Variants in MUC5AC observed in about 807,000 individuals in gnomAD.
MUC5AC encodes mucin-5AC.
In MUC5AC, 158 loss-of-function variants were observed where a neutral mutation model predicts 169.7. That is an observed-to-expected ratio of 0.93 (90% CI 0.82 to 1.06). MUC5AC has a LOEUF of 1.06. Among genes scored for constraint, MUC5AC ranks in the 50% least tolerant of loss-of-function variants. The pLI, the probability that MUC5AC is intolerant of heterozygous loss-of-function variation, is 0.00. For synonymous variants in MUC5AC, 1,975 were observed against 1,237.0 expected (o/e 1.60, Z -12.52); for missense variants, 4,359 against 3,089.9 (o/e 1.41, Z -9.74).
At chr11:1,169,062 C>G (rs775421690) in intron 15 of MUC5AC, 36 bp downstream of exon 15, 1 of 1,510,386 alleles carries the variant, frequency 6.6e-7, no homozygotes, top group Non-Finnish European at 8.9e-7. Flanking sequence ...GTGCTGGCCG[C>G]CTGGCGCTGG....
chr11:1,184,019 C>T lies in MUC5AC; in HGVS notation c.5874C>T (p.Thr1958=), dbSNP rs1244722371. 14 of 392,994 alleles carry T rather than the reference C, an allele frequency of 3.6e-5. No homozygotes were observed. The highest frequency in any genetic ancestry group is 6.2e-4 in the Middle Eastern group (1 of 1,612). The allele number at this position is 392,994 out of a possible 1,614,324, so 24.3% of individuals were successfully genotyped here. A position where few individuals can be genotyped will look rare whatever the true frequency, so the allele number is the denominator to read the frequency against. ...SSCLQELCTW[T]EWIDGSYPAP... ...GCCTGCAGGAGCTTTGCACCTGGACCGAGTGGATTGATGGCAGCTACCCTG... is the reference window on the plus strand; with the variant it reads ...GCCTGCAGGAGCTTTGCACCTGGACTGAGTGGATTGATGGCAGCTACCCTG... Residue 1958 remains threonine (T), a synonymous_variant, in exon 31 of 49, where the codon ACC becomes ACT. Coordinates refer to ENST00000621226, the MANE Select transcript of MUC5AC (RefSeq NM_001304359.2).
At chr11:1,170,965 A>C in intron 15 of MUC5AC, among the ~76,000 whole-genome samples, 1 of 3,798 alleles carries the variant, frequency 2.6e-4, no homozygotes, top group East Asian at 0.016. Context: ...TCACTCACCC[A>C]CTCACCCATT....
rs1400064343 is a variant in MUC5AC, at chr11:1,192,332, A to G, written c.14187A>G (p.Arg4729=). The change falls in exon 31 of 49, where the codon AGA becomes AGG. Residue 4729 remains arginine (R), a synonymous_variant. Coordinates refer to ENST00000621226, the MANE Select transcript of MUC5AC (RefSeq NM_001304359.2). ...GCGTGCTCTGCTGCGAGACCCCCAG[A>G]GGCTGCCCGGTGACCTCTGTGACCC... ...EVRVLCCETP[R]GCPVTSVTPY... is the part of the protein sequence containing the mutation. The G allele has an allele frequency of 1.3e-6, 1 of 765,070 alleles. No homozygotes were observed. The highest frequency in any genetic ancestry group is 1.3e-5 in the South Asian group (1 of 74,626). 47.4% of individuals were successfully genotyped at this position (765,070 alleles called of 1,614,324 possible). A position where few individuals can be genotyped will look rare whatever the true frequency, so the allele number is the denominator to read the frequency against.
Position 1,185,545 on chromosome 11 carries a change from G to C in MUC5AC, c.7400G>C (p.Arg2467Thr). Residue 2467 changes from arginine to threonine, a missense_variant, in exon 31 of 49, where the codon AGA becomes ACA. By Grantham distance (71) the Arg-to-Thr change is moderately conservative (BLOSUM62 -1). Transcript: ENST00000621226. Reference protein sequence around the residue: ...TTSTTSAPTTRTTSAPKSSTT... With the variant: ...TTSTTSAPTTTTTSAPKSSTT... ...AGCACAACCTCTGCCCCTACAACAA[G>C]AACAACTTCTGCTCCTAAAAGCAGC... is the stretch of plus-strand genomic sequence containing the variant. 1.4e-6 allele frequency: 1 copy of C among 720,604 alleles called. No individual in the cohort carries two copies. The highest frequency in any genetic ancestry group is 1.4e-5 in the South Asian group (1 of 69,292). The allele number at this position is 720,604 out of a possible 1,614,324, so 44.6% of individuals were successfully genotyped here.
At position 1,187,960 on chromosome 11, in the gene MUC5AC, G is replaced by A. The variant is rs1554928416; in HGVS notation, c.9815G>A (p.Arg3272Gln). Residue 3272 changes from arginine to glutamine, a missense_variant, in exon 31 of 49, where the codon CGA becomes CAA. Transcript: ENST00000621226. Reference protein sequence around the residue: ...RPEEITRLQCRAESHPEVSIE... With the variant: ...RPEEITRLQCQAESHPEVSIE... The stretch of plus-strand genomic sequence containing the variant: ...GAGGAGATCACCAGGCTCCAGTGCC[G>A]AGCCGAGAGCCACCCGGAGGTGAGC... The A allele has an allele frequency of 2.9e-5, 22 of 755,592 alleles. No individual in the cohort carries two copies. The highest frequency in any genetic ancestry group is 9.7e-5 in the East Asian group (4 of 41,240). The allele number at this position is 755,592 out of a possible 1,614,324, so 46.8% of individuals were successfully genotyped here.
rs373410759 is a variant in MUC5AC at position 1,199,739 on chromosome 11, G to A, written c.16560G>A (p.Pro5520=). Residue 5520 remains proline, a synonymous_variant, in exon 47 of 49, where the codon CCG becomes CCA. Coordinates refer to ENST00000621226, the MANE Select transcript of MUC5AC (RefSeq NM_001304359.2). ...MSKDGCCRFC[P]PPPPPYQNQS... ...AGGACGGCTGCTGCCGCTTCTGCCCGCCGCCCCCGCCCCCGTACCAGAACC... is the reference window on the plus strand; with the variant it reads ...AGGACGGCTGCTGCCGCTTCTGCCCACCGCCCCCGCCCCCGTACCAGAACC... 4 of 711,560 alleles carry A rather than the reference G, an allele frequency of 5.6e-6. No individual in the cohort carries two copies. The highest frequency in any genetic ancestry group is 2.7e-5 in the East Asian group (1 of 37,660). The allele number at this position is 711,560 out of a possible 1,614,324, so 44.1% of individuals were successfully genotyped here.
chr11:1,188,586 G>A lies in MUC5AC; in HGVS notation c.10441G>A (p.Gly3481Ser), dbSNP rs1201597847. 194,983 of 763,964 alleles carry A rather than the reference G, an allele frequency of 0.26. 28,012 individuals carry two copies. The highest frequency in any genetic ancestry group is 0.43 in the African/African-American group (25,604 of 59,060). 47.3% of individuals were successfully genotyped at this position (763,964 alleles called of 1,614,324 possible). A position where few individuals can be genotyped will look rare whatever the true frequency, so the allele number is the denominator to read the frequency against. The change falls in exon 31 of 49, where the codon GGT becomes AGT. Residue 3481 changes from glycine (G) to serine (S), a missense_variant. By Grantham distance (56) the Gly-to-Ser change is moderately conservative. Transcript: ENST00000621226. ...AGCTGCTACAAGCAGCACAACCTCCGGTTCTGGAACTACTCCCAGCCCTGT... is the reference window on the plus strand; with the variant it reads ...AGCTGCTACAAGCAGCACAACCTCCAGTTCTGGAACTACTCCCAGCCCTGT... ...TSAATSSTTS[G>S]SGTTPSPVTT...
Position 1,187,406 on chromosome 11 carries a change from C to T in MUC5AC, c.9261C>T (p.Ala3087=), listed in dbSNP as rs1554928193. ...TSAPTTSTTS[A]ATTSTISAPT... ...CTCCTACAACCAGCACAACCTCTGC[C>T]GCTACAACCAGCACAATCTCGGCCC... Residue 3087 remains alanine, a synonymous_variant, in exon 31 of 49, where the codon GCC becomes GCT. Transcript: ENST00000621226. 37 of 736,102 alleles carry T rather than the reference C, an allele frequency of 5.0e-5. No individual in the cohort carries two copies. Among genetic ancestry groups the T allele is most frequent in the South Asian group, 8.5e-5 (6 of 70,448 alleles). 45.6% of individuals were successfully genotyped at this position (736,102 alleles called of 1,614,324 possible). A position where few individuals can be genotyped will look rare whatever the true frequency, so the allele number is the denominator to read the frequency against.
chr11:1,170,462 G>C (rs1336706069), intron 15 of MUC5AC, among the ~76,000 whole-genome samples: 1,191 of 33,084 alleles, frequency 0.036, no homozygotes, highest in East Asian at 0.081. Context: ...CCCACTCACC[G>C]ACTCACCCAT....
In MUC5AC at chr11:1,196,040, C is replaced by T; in HGVS notation, c.15623C>T (p.Thr5208Ile). ...ATCTGCATCGATTGGAGAGGCCGGA[C>T]CGGCCACATGTGCCGTGAGTGCCAC... is the stretch of plus-strand genomic sequence containing the variant. ...HDICIDWRGR[T>I]GHMCPFTCPA... The change falls in exon 37 of 49, where the codon ACC (threonine) becomes ATC (isoleucine). Residue 5208 changes from threonine to isoleucine, a missense_variant. Physicochemically the swap from Thr to Ile is moderately conservative, Grantham distance 89. Transcript: ENST00000621226. The T allele has an allele frequency of 1.3e-6, 1 of 764,558 alleles. No individual in the cohort carries two copies. The highest frequency in any genetic ancestry group is 2.4e-6 in the Non-Finnish European group (1 of 417,580). 47.4% of individuals were successfully genotyped at this position (764,558 alleles called of 1,614,324 possible). A position where few individuals can be genotyped will look rare whatever the true frequency, so the allele number is the denominator to read the frequency against.
intron 29 of MUC5AC, 28 bp downstream of exon 29, chr11:1,181,210 G>C (rs1860808273): frequency 7.5e-6 from 3 of 398,204 alleles, no homozygotes; most frequent in Non-Finnish European, 8.8e-6. Flanking sequence ...CCTGGGGCTG[G>C]GGTCCGGGGG....
chr11:1,187,850 C>T lies in MUC5AC; in HGVS notation c.9705C>T (p.Asp3235=). 1 of 764,246 alleles carries T rather than the reference C, an allele frequency of 1.3e-6. No homozygotes were observed. Among genetic ancestry groups the T allele is most frequent in the South Asian group, 1.3e-5 (1 of 74,526 alleles). 47.3% of individuals were successfully genotyped at this position (764,246 alleles called of 1,614,324 possible). The change falls in exon 31 of 49, where the codon GAC becomes GAT. Residue 3235 remains aspartate (D), a synonymous_variant. Transcript: ENST00000621226. ...CCTGGACCAAGTGGTTTGACATAGA[C>T]TTCCCATCCCCTGGACCCCACGGCG... The part of the protein sequence containing the change: ...RCTWTKWFDI[D]FPSPGPHGGD...
intron 45 of MUC5AC, 42 bp downstream of exon 45, chr11:1,199,227 A>C: frequency 1.4e-6 from 1 of 733,992 alleles, no homozygotes; most frequent in Non-Finnish European, 2.5e-6. Context: ...AGGGTCTGGG[A>C]GCACTGGGGC....
At position 1,168,889 on chromosome 11, in the gene MUC5AC, A is replaced by T; in HGVS notation, c.1733A>T (p.Gln578Leu). 6.2e-7 allele frequency: 1 copy of T among 1,606,248 alleles called. No individual in the cohort carries two copies. The highest frequency in any genetic ancestry group is 8.5e-7 in the Non-Finnish European group (1 of 1,176,024). The change falls in exon 15 of 49, where the codon CAG becomes CTG. Residue 578 changes from glutamine (Q) to leucine (L), a missense_variant. By Grantham distance (113) the Gln-to-Leu change is moderately radical. Transcript: ENST00000621226. The part of the protein sequence containing the change: ...CGLCGNFNSI[Q>L]ADDFRTLSGV... ...CTCTGTGGGAACTTCAACAGCATCC[A>T]GGCCGATGACTTCCGGACCCTCAGT... is the stretch of plus-strand genomic sequence containing the variant.
In MUC5AC at chr11:1,187,572, G is replaced by C. The variant is rs1860984419; in HGVS notation, c.9427G>C (p.Ala3143Pro). 1.3e-6 allele frequency: 1 copy of C among 755,602 alleles called. No individual in the cohort carries two copies. The highest frequency in any genetic ancestry group is 1.8e-5 in the Admixed American group (1 of 57,090). The allele number at this position is 755,602 out of a possible 1,614,324, so 46.8% of individuals were successfully genotyped here. A position where few individuals can be genotyped will look rare whatever the true frequency, so the allele number is the denominator to read the frequency against. Reference protein sequence around the residue: ...TSPPTTSTTSASTASKTSGPG... With the variant: ...TSPPTTSTTSPSTASKTSGPG... ...TCCTCCTACAACCAGCACAACTTCTGCCTCTACAGCCAGCAAAACCTCTGG... is the reference window on the plus strand; with the variant it reads ...TCCTCCTACAACCAGCACAACTTCTCCCTCTACAGCCAGCAAAACCTCTGG... Residue 3143 changes from alanine to proline, a missense_variant, in exon 31 of 49, where the codon GCC becomes CCC. Coordinates refer to ENST00000621226, the MANE Select transcript of MUC5AC (RefSeq NM_001304359.2).
intron 9 of MUC5AC, 35 bp downstream of exon 9, chr11:1,164,567 AC>A: frequency 6.3e-7 from 1 of 1,579,380 alleles, no homozygotes. Context: ...ACACAGGTGC[AC>A]CCCGACAACT....
At chr11:1,171,463 ACCC>A (rs1860530217) in intron 15 of MUC5AC, among the ~76,000 whole-genome samples, 1 of 102,512 alleles carries the variant, frequency 9.8e-6, no homozygotes, top group African/African-American at 3.9e-5. Flanking sequence ...TCACCCATTC[ACCC>A]CCTCACTCAC....
Position 1,199,480 on chromosome 11 carries a change from G to A in MUC5AC, c.16505G>A (p.Ser5502Asn), listed in dbSNP as rs1181257449. The A allele has an allele frequency of 2.8e-6, 2 of 714,086 alleles. No individual in the cohort carries two copies. Among genetic ancestry groups the A allele is most frequent in the East Asian group, 2.6e-5 (1 of 37,986 alleles). 44.2% of individuals were successfully genotyped at this position (714,086 alleles called of 1,614,324 possible). Reference sequence around the variant, plus strand: ...ACGAAGAAGGCGTGCCCCCCGCTCAGCTGTTCTCTGGTGAGGTCCAGGATC... The same window carrying A: ...ACGAAGAAGGCGTGCCCCCCGCTCAACTGTTCTCTGGTGAGGTCCAGGATC... ...VTTKKACPPL[S>N]CSLDEARMSK... Residue 5502 changes from serine to asparagine, a missense_variant, in exon 46 of 49, where the codon AGC (serine) becomes AAC (asparagine). Coordinates refer to ENST00000621226, the MANE Select transcript of MUC5AC (RefSeq NM_001304359.2).
At chr11:1,178,253 G>C (rs1336770619) in intron 24 of MUC5AC, among the ~76,000 whole-genome samples, 191 bp from the exon 25 acceptor site, 4 of 150,946 alleles carry the variant, frequency 2.6e-5, no homozygotes, top group Non-Finnish European at 4.5e-5. Context: ...TGCACTGCCC[G>C]GGGCCTCCCC....
Sources: allele counts gnomAD v4.1 joint callset (sites outside exome capture counted in the v4.1 genomes callset), GRCh38; gene constraint gnomAD v4.1.1; transcripts MANE v1.5; gene names NCBI Gene and HGNC (gene_info 2026-07-23, HGNC 2026-07-21).